The following KCNIP1 variants were observed in gnomAD, a reference collection of about 807,000 sequenced individuals.
The protein encoded by KCNIP1 is potassium voltage-gated channel interacting protein 1, also known as A-type potassium channel modulatory protein KCNIP1.
In KCNIP1, 18 loss-of-function variants were observed where a neutral mutation model predicts 33.0. That is an observed-to-expected ratio of 0.55 (90% CI 0.38 to 0.81). The LOEUF (loss-of-function observed/expected upper bound fraction) is 0.81. Ranked by LOEUF, KCNIP1 falls within the 30% of genes least tolerant of loss-of-function variation. The pLI is 0.00. For missense variants in KCNIP1, 238 were observed against 271.6 expected, an observed-to-expected ratio of 0.88 and a Z score of 0.87; for synonymous variants, 93 against 98.3, an observed-to-expected ratio of 0.95 and a Z score of 0.32.
intron 1 of KCNIP1, among the ~76,000 whole-genome samples, chr5:170,567,624 C>T (rs4867613): frequency 0.36 from 54,979 of 151,960 alleles, 10,676 homozygotes; most frequent in Admixed American, 0.44. Context: ...AGGCTAGCGC[C>T]AGGGGGAAGG....
intron 1 of KCNIP1, among the ~76,000 whole-genome samples, chr5:170,369,004 C>T (rs771203139): frequency 1.3e-5 from 2 of 152,156 alleles, no homozygotes; most frequent in Non-Finnish European, 2.9e-5. Flanking sequence ...TGATAAAATA[C>T]TGATCATCAT....
intron 1 of KCNIP1, chr5:170,378,143 CAT>C (rs1327360530): frequency 6.6e-6 from 1 of 152,298 alleles, no homozygotes; most frequent in Non-Finnish European, 1.5e-5. Context: ...GATGAGTTCT[CAT>C]GTGTTTCCTT....
At chr5:170,433,267 A>G (rs1219067713) in intron 1 of KCNIP1, among the ~76,000 whole-genome samples, 1 of 152,010 alleles carries the variant, frequency 6.6e-6, no homozygotes, top group Admixed American at 6.6e-5. Flanking sequence ...GCTCACTGCA[A>G]CCCCTGCCTC....
At chr5:170,453,376 T>G (rs559934776) in intron 1 of KCNIP1, among the ~76,000 whole-genome samples, 1 of 152,302 alleles carries the variant, frequency 6.6e-6, no homozygotes, top group African/African-American at 2.4e-5. Flanking sequence ...GGAAAGGCAG[T>G]TTTCACATAT....
upstream of KCNIP1, among the ~76,000 whole-genome samples, chr5:170,500,857 G>A (rs538938418): frequency 2.0e-5 from 3 of 152,342 alleles, no homozygotes; most frequent in South Asian, 6.2e-4. Flanking sequence ...ATGAATATTT[G>A]TTGAATAAAT....
intron 1 of KCNIP1, among the ~76,000 whole-genome samples, chr5:170,362,083 G>A (rs578232075): frequency 2.6e-5 from 4 of 152,214 alleles, no homozygotes; most frequent in Non-Finnish European, 5.9e-5. Context: ...CCTGCCATGT[G>A]CCCAGCATTG....
intron 1 of KCNIP1, among the ~76,000 whole-genome samples, chr5:170,363,636 A>G (rs1265025438): frequency 6.6e-6 from 1 of 152,116 alleles, no homozygotes; most frequent in South Asian, 2.1e-4. Context: ...ATGGCAGCCC[A>G]AGCAGACTAA....
At chr5:170,718,688 G>T in intron 1 of KCNIP1, 70 bp from the exon 2 acceptor site, 1 of 1,590,078 alleles carries the variant, frequency 6.3e-7, no homozygotes. Context: ...TCTTTTGACA[G>T]CCCAGATTGT....
intron 1 of KCNIP1, among the ~76,000 whole-genome samples, chr5:170,387,986 G>A (rs984502822): frequency 2.0e-5 from 3 of 152,094 alleles, no homozygotes; most frequent in African/African-American, 7.2e-5. Flanking sequence ...CGCACCTGTG[G>A]GGGCTTCCTG....
chr5:170,416,909 C>T (rs866375990), intron 1 of KCNIP1, among the ~76,000 whole-genome samples: 2 of 152,208 alleles, frequency 1.3e-5, no homozygotes, highest in African/African-American at 4.8e-5. Context: ...GAAATCCACC[C>T]TTTAACTCTT....
intron 1 of KCNIP1, among the ~76,000 whole-genome samples, chr5:170,525,406 G>A (rs762261625): frequency 2.6e-5 from 4 of 152,224 alleles, no homozygotes; most frequent in Non-Finnish European, 5.9e-5. Flanking sequence ...AAGCATTTAG[G>A]TAGTGCCTGA....
chr5:170,546,267 T>C (rs565777460), intron 1 of KCNIP1, among the ~76,000 whole-genome samples: 2 of 152,348 alleles, frequency 1.3e-5, no homozygotes, highest in Admixed American at 1.3e-4. Context: ...CAGGGATTTA[T>C]GTCAGGCCCT....
intron 1 of KCNIP1, among the ~76,000 whole-genome samples, chr5:170,689,885 C>CTT (rs1262088535): frequency 6.6e-6 from 1 of 152,146 alleles, no homozygotes; most frequent in Non-Finnish European, 1.5e-5. Context: ...GTAGAATGAT[C>CTT]TTTTTAAAAT....
At chr5:170,636,832 A>G (rs1257194974) in intron 1 of KCNIP1, among the ~76,000 whole-genome samples, 1 of 152,172 alleles carries the variant, frequency 6.6e-6, no homozygotes, top group Non-Finnish European at 1.5e-5. Flanking sequence ...TGACCACCCA[A>G]TAAAGGCAGG....
At chr5:170,503,991 G>C, upstream of KCNIP1, 220 of 550,438 alleles carry the variant, frequency 4.0e-4, no homozygotes, top group Non-Finnish European at 4.7e-4. Context: ...CCCGCCCGCC[G>C]CCCCCTCCGC....
intron 1 of KCNIP1, among the ~76,000 whole-genome samples, chr5:170,419,291 G>A (rs1465709481): frequency 6.6e-6 from 1 of 152,180 alleles, no homozygotes; most frequent in Admixed American, 6.5e-5. Flanking sequence ...GCAGGACCCC[G>A]ATGCCATCAG....
At chr5:170,725,365 A>G (rs763583187) in intron 5 of KCNIP1, among the ~76,000 whole-genome samples, 3 of 152,216 alleles carry the variant, frequency 2.0e-5, no homozygotes, top group Non-Finnish European at 2.9e-5. Context: ...AGATTTAATC[A>G]TCTACAACGT....
chr5:170,635,642 A>G (rs1486842927), intron 1 of KCNIP1, among the ~76,000 whole-genome samples: 1 of 152,228 alleles, frequency 6.6e-6, no homozygotes, highest in East Asian at 1.9e-4. Context: ...GCCTCCCTGC[A>G]CTGTAAGGGA....
chr5:170,385,341 G>T (rs376418651), intron 1 of KCNIP1: 1 of 1,614,134 alleles, frequency 6.2e-7, no homozygotes, highest in Non-Finnish European at 8.5e-7. Context: ...CAGCACAGTC[G>T]TGACCAGGAT....
Sources: allele counts gnomAD v4.1 joint callset (sites outside exome capture counted in the v4.1 genomes callset), GRCh38; gene constraint gnomAD v4.1.1; transcripts MANE v1.5; gene names NCBI Gene and HGNC (gene_info 2026-07-23, HGNC 2026-07-21).